ASIC1: variants seen among roughly 807,000 people sequenced by gnomAD.
ASIC1 encodes the protein acid sensing ion channel subunit 1.
In ASIC1, 21 loss-of-function variants were observed where a neutral mutation model predicts 63.4. That is an observed-to-expected ratio of 0.33 (90% CI 0.23 to 0.48). The LOEUF (loss-of-function observed/expected upper bound fraction) is 0.48. Ranked by LOEUF, ASIC1 falls within the 20% of genes least tolerant of loss-of-function variation. The probability of loss-of-function intolerance (pLI) is 0.99; values close to 1 mark genes in which losing one functional copy is unlikely to be tolerated. For missense variants in ASIC1, 478 were observed against 695.5 expected (o/e 0.69, Z 3.52); for synonymous variants, 258 against 278.2 (o/e 0.93, Z 0.72).
chr12:50,081,353 G>C lies in ASIC1; in HGVS notation c.1471G>C (p.Val491Leu). 1 of 1,604,162 alleles carries C rather than the reference G, an allele frequency of 6.2e-7. No individual in the cohort carries two copies. Among genetic ancestry groups the C allele is most frequent in the Non-Finnish European group, 8.5e-7 (1 of 1,175,488 alleles). ...GGGCGTGGCCCTCAGCCTGGACGAC[G>C]TCAAAAGACACGTGAGGGAGCGAGC... ...DKGVALSLDDVKRHNPCESLR... is the reference protein window; with the variant it reads ...DKGVALSLDDLKRHNPCESLR... The change falls in exon 11 of 12, where the codon GTC becomes CTC. Residue 491 changes from valine to leucine, a missense_variant. By Grantham distance (32) the Val-to-Leu change is conservative. Coordinates refer to ENST00000447966, the MANE Select transcript of ASIC1 (RefSeq NM_001095.4).
chr12:50,081,595 C>T lies in ASIC1; in HGVS notation c.1533C>T (p.Ala511=). 1 of 1,614,102 alleles carries T rather than the reference C, an allele frequency of 6.2e-7. No homozygotes were observed. Residue 511 remains alanine (A), a synonymous_variant, in exon 12 of 12, where the codon GCC becomes GCT. Transcript: ENST00000447966. ...RGHPAGMTYA[A]NILPHHPARG... ...ACCCTGCCGGGATGACATACGCTGCCAACATCCTACCTCACCATCCGGCCC... is the reference window on the plus strand; with the variant it reads ...ACCCTGCCGGGATGACATACGCTGCTAACATCCTACCTCACCATCCGGCCC...
In ASIC1 at chr12:50,074,632, C is replaced by T. The variant is rs1188474138; in HGVS notation, c.559-2581C>T. Reference sequence around the variant, plus strand: ...CTGTTGGTGGACGCCAGTGCCTGGCCAGTTGTTCACTATTTTGACTAGCAC... The same window carrying T: ...CTGTTGGTGGACGCCAGTGCCTGGCTAGTTGTTCACTATTTTGACTAGCAC... On this transcript the variant is annotated intron_variant, in intron 3 of 11. Coordinates refer to ENST00000447966, the MANE Select transcript of ASIC1 (RefSeq NM_001095.4). The surrounding 1 kb of genome is among the most constrained non-coding windows in gnomAD (Gnocchi z 4.2). Among the ~76,000 whole-genome samples the T allele has an allele frequency of 1.3e-5, 2 of 152,132 alleles. No homozygotes were observed. Among genetic ancestry groups the T allele is most frequent in the Non-Finnish European group, 2.9e-5 (2 of 68,030 alleles).
At chr12:50,073,438 G>T in intron 3 of ASIC1, 2 of 1,412,740 alleles carry the variant, frequency 1.4e-6, no homozygotes, top group Non-Finnish European at 1.8e-6. Flanking sequence ...CCCTGGTGAG[G>T]AAGGACGGCC....
chr12:50,080,125 G>A, intron 8 of ASIC1, 70 bp downstream of exon 8: 1 of 1,532,246 alleles, frequency 6.5e-7, no homozygotes, highest in Non-Finnish European at 8.8e-7. Context: ...GGGGTTTGAT[G>A]GGGGCGGGGG....
chr12:50,072,381 G>A (rs1380417204), intron 3 of ASIC1, among the ~76,000 whole-genome samples: 2 of 152,120 alleles, frequency 1.3e-5, no homozygotes, highest in Non-Finnish European at 2.9e-5. Flanking sequence ...TTGGCTGATG[G>A]CTCAAGTTCC....
intron 3 of ASIC1, among the ~76,000 whole-genome samples, chr12:50,075,522 C>T (rs1028321067): frequency 6.6e-6 from 1 of 152,236 alleles, no homozygotes; most frequent in Non-Finnish European, 1.5e-5. Flanking sequence ...AAGACCTGGT[C>T]ATGGGGCTGG....
intron 3 of ASIC1, among the ~76,000 whole-genome samples, chr12:50,075,724 C>T (rs1592276439): frequency 6.6e-6 from 1 of 152,228 alleles, no homozygotes; most frequent in African/African-American, 2.4e-5. Context: ...ACTCTTTTGT[C>T]TCTCCCCTGC....
At chr12:50,080,274 T>G in intron 8 of ASIC1, 1 of 777,346 alleles carries the variant, frequency 1.3e-6, no homozygotes, top group Non-Finnish European at 2.0e-6. Flanking sequence ...TCCTCATTGT[T>G]GTAACCGGAG....
Position 50,078,841 on chromosome 12 carries a change from A to G in ASIC1, c.995-83A>G, listed in dbSNP as rs1950685604. On this transcript the variant is annotated intron_variant, in intron 6 of 11. Transcript: ENST00000447966. The surrounding 1 kb of genome is among the most constrained non-coding windows in gnomAD (Gnocchi z 6.0). ...CTCCCTTCCCATCTTCTCCCAGCTTACACCTTCTAGGCCTTTGGTACTACC... is the reference window on the plus strand; with the variant it reads ...CTCCCTTCCCATCTTCTCCCAGCTTGCACCTTCTAGGCCTTTGGTACTACC... The G allele has an allele frequency of 1.3e-6, 2 of 1,501,928 alleles. No individual in the cohort carries two copies. The highest frequency in any genetic ancestry group is 1.9e-6 in the Non-Finnish European group (2 of 1,078,886). 93.0% of individuals were successfully genotyped at this position (1,501,928 alleles called of 1,614,324 possible). A position where few individuals can be genotyped will look rare whatever the true frequency, so the allele number is the denominator to read the frequency against.
chr12:50,078,700 G>A lies in ASIC1; in HGVS notation c.994+123G>A, dbSNP rs960527314. 1.0e-5 allele frequency: 15 copies of A among 1,467,248 alleles called. No individual in the cohort carries two copies. In the African/African-American group the frequency reaches 1.8e-4, roughly 18 times the overall value. The allele number at this position is 1,467,248 out of a possible 1,614,324, so 90.9% of individuals were successfully genotyped here. A position where few individuals can be genotyped will look rare whatever the true frequency, so the allele number is the denominator to read the frequency against. ...GCCCACCCCATCCCACACCCACCTG[G>A]CTCATGTCTCTCTGACCTCAGTTCC... On this transcript the variant is annotated intron_variant, in intron 6 of 11. Transcript: ENST00000447966. The surrounding 1 kb of genome is among the most constrained non-coding windows in gnomAD (Gnocchi z 6.0).
intron 3 of ASIC1, among the ~76,000 whole-genome samples, chr12:50,073,298 A>G (rs1376046570): frequency 1.3e-5 from 2 of 152,148 alleles, no homozygotes; most frequent in Non-Finnish European, 2.9e-5. Flanking sequence ...AAGGGGCTCC[A>G]GCCCCCTGCT....
Position 50,078,583 on chromosome 12 carries a change from G to A in ASIC1, c.994+6G>A. On this transcript the variant is annotated splice_donor_region_variant and intron_variant, in intron 6 of 11. Transcript: ENST00000447966. This position sits in a 1 kb window ranked among gnomAD's most constrained non-coding sequence, Gnocchi z 6.0. ...CCGCATGGTGCACATGCCAGGTCAG[G>A]CCTGGGGCTCCGAGCATACTCCTGG... The A allele has an allele frequency of 6.2e-7, 1 of 1,613,970 alleles. No homozygotes were observed. The highest frequency in any genetic ancestry group is 1.1e-5 in the South Asian group (1 of 91,082).
rs556681215 is a variant in ASIC1, at chr12:50,067,851, C to T, written c.558+7897C>T. Among the ~76,000 whole-genome samples the T allele has an allele frequency of 7.6e-4, 116 of 152,286 alleles. 1 individual carries two copies. Among genetic ancestry groups the T allele is most frequent in the Middle Eastern group, 6.8e-3 (2 of 294 alleles). On this transcript the variant is annotated intron_variant, in intron 3 of 11. Transcript: ENST00000447966. ...ACTTGGCCATTTAGTGTCATCACTA[C>T]TCAAGGCTCAGTCTCAAGCTTTAAT...
At chr12:50,076,979 G>C (rs1289082223) in intron 3 of ASIC1, 9 of 684,066 alleles carry the variant, frequency 1.3e-5, no homozygotes, top group Non-Finnish European at 2.4e-5. Flanking sequence ...AGCCCATGCA[G>C]GTGGCAAAGG....
intron 3 of ASIC1, among the ~76,000 whole-genome samples, chr12:50,069,643 G>T (rs1359696532): frequency 2.6e-5 from 4 of 152,018 alleles, no homozygotes; most frequent in African/African-American, 9.7e-5. Flanking sequence ...CTCAGAGAAA[G>T]CTTCCTTAAT....
intron 3 of ASIC1, among the ~76,000 whole-genome samples, chr12:50,070,435 T>C (rs576407971): frequency 1.1e-3 from 171 of 151,918 alleles, no homozygotes; most frequent in African/African-American, 4.1e-3. Context: ...GGTGTGTGTG[T>C]CGCCCCACAC....
chr12:50,079,081 C>A, intron 7 of ASIC1, 101 bp downstream of exon 7: 1 of 1,196,800 alleles, frequency 8.4e-7, no homozygotes, highest in Non-Finnish European at 1.2e-6. Context: ...TCACATAACT[C>A]CTGGACTGGG....
chr12:50,081,117 A>G lies in ASIC1; in HGVS notation c.1313A>G (p.Gln438Arg). Residue 438 changes from glutamine (Q) to arginine (R), a missense_variant, in exon 10 of 12, where the codon CAG becomes CGG. Physicochemically the swap from Gln to Arg is conservative, Grantham distance 43. Around this residue, in one of 3 missense-constraint regions of ASIC1, gnomAD observed 84 missense variants for 183.5 expected, o/e 0.46. Coordinates refer to ENST00000447966, the MANE Select transcript of ASIC1 (RefSeq NM_001095.4). ...IAGLLGDIGGQMGLFIGASIL... is the reference protein window; with the variant it reads ...IAGLLGDIGGRMGLFIGASIL... ...GCCCCCGCAGGTGACATCGGGGGCC[A>G]GATGGGGCTGTTCATCGGGGCCAGC... The G allele has an allele frequency of 6.2e-7, 1 of 1,609,592 alleles. No individual in the cohort carries two copies. The highest frequency in any genetic ancestry group is 8.5e-7 in the Non-Finnish European group (1 of 1,178,392).
chr12:50,082,907 T>A lies in ASIC1; in HGVS notation c.*1258T>A, dbSNP rs1484937290. ...GCACCCTCGGCCCTCCCTGCAGCCT[T>A]AACATTCTCTTCCCCTGCTCCTCCT... On this transcript the variant is annotated 3_prime_UTR_variant, in exon 12 of 12. Transcript: ENST00000447966. 6.5e-6 allele frequency: 1 copy of A among 152,810 alleles called. No individual in the cohort carries two copies. The highest frequency in any genetic ancestry group is 1.5e-5 in the Non-Finnish European group (1 of 68,160). The allele number at this position is 152,810 out of a possible 1,614,324, so 9.5% of individuals were successfully genotyped here.
Sources: gnomAD v4.1 joint callset for allele counts (sites outside exome capture counted in the v4.1 genomes callset) on GRCh38, gnomAD v4.1.1 for gene constraint, gnomAD v4.1.1 regional missense constraint, Gnocchi (gnomAD v3.1) non-coding constraint, MANE v1.5 for transcripts, NCBI Gene and HGNC (gene_info 2026-07-23, HGNC 2026-07-21) for gene names.